SMYD1: variants seen among roughly 807,000 people sequenced by gnomAD.
SMYD1 encodes the protein SET and MYND domain containing 1.
In SMYD1, 49 loss-of-function variants were observed where a neutral mutation model predicts 54.0. The observed-to-expected ratio is 0.91, with a 90% CI of 0.72 to 1.15. The LOEUF (loss-of-function observed/expected upper bound fraction) is 1.15, where lower values mean the gene tolerates loss of function less well. Ranked by LOEUF, SMYD1 falls within the 50% of genes most tolerant of loss-of-function variation. The pLI, the probability that SMYD1 is intolerant of heterozygous loss-of-function variation, is 0.00. For missense variants in SMYD1, 653 were observed against 639.6 expected (o/e 1.02, Z -0.23); for synonymous variants, 269 against 234.2 (o/e 1.15, Z -1.36).
In SMYD1 at chr2:88,093,538, G is replaced by A. The variant is rs1248997452; in HGVS notation, c.681G>A (p.Met227Ile). ...TCAGTCATGAGGCAGTGAAATCCATGTTTCATACCCAGATGAGGTGGGTCA... is the reference window on the plus strand; with the variant it reads ...TCAGTCATGAGGCAGTGAAATCCATATTTCATACCCAGATGAGGTGGGTCA... ...NNGNHEAVKS[M>I]FHTQMRIELR... The change falls in exon 5 of 10, where the codon ATG becomes ATA. Residue 227 changes from methionine to isoleucine, a missense_variant. Met to Ile is a conservative substitution (Grantham distance 10, BLOSUM62 1). Coordinates refer to ENST00000419482, the MANE Select transcript of SMYD1 (RefSeq NM_198274.4). The A allele has an allele frequency of 6.2e-7, 1 of 1,614,102 alleles. No homozygotes were observed.
chr2:88,070,099 GA>G (rs910764865), intron 1 of SMYD1, among the ~76,000 whole-genome samples: 23 of 143,140 alleles, frequency 1.6e-4, no homozygotes, highest in African/African-American at 2.6e-4. Context: ...TAAAATGATT[GA>G]AAAAAAATCT....
intron 6 of SMYD1, among the ~76,000 whole-genome samples, chr2:88,097,540 G>T (rs537016988): frequency 6.6e-6 from 1 of 152,218 alleles, no homozygotes; most frequent in Non-Finnish European, 1.5e-5. Context: ...GCTGTGCTCA[G>T]GGGGAGGATG....
At chr2:88,100,618 A>T (rs1306278275) in intron 6 of SMYD1, among the ~76,000 whole-genome samples, 1 of 152,204 alleles carries the variant, frequency 6.6e-6, no homozygotes, top group Admixed American at 6.5e-5. Flanking sequence ...CTGCACAACC[A>T]GGCAAGACAT....
In SMYD1 at chr2:88,104,230, T is replaced by C. The variant is rs184854530; in HGVS notation, c.981+1080T>C. Among the ~76,000 whole-genome samples the C allele has an allele frequency of 2.3e-4, 35 of 152,258 alleles. No individual in the cohort carries two copies. In the East Asian group the frequency reaches 6.8e-3, roughly 30 times the overall value. On this transcript the variant is annotated intron_variant, in intron 7 of 9. Transcript: ENST00000419482. ...ATCTGCCCGCCTTGGCCTCCCAAAG[T>C]GCTGGGATTACAGGCGTGAGCCACT...
chr2:88,102,946 G>A (rs1375371336), intron 6 of SMYD1, 112 bp from the exon 7 acceptor site: 6 of 755,028 alleles, frequency 7.9e-6, no homozygotes, highest in African/African-American at 5.1e-5. Context: ...CATTCAGAAT[G>A]AGGAAGACAT....
chr2:88,110,384 C>A lies in SMYD1; in HGVS notation c.1345C>A (p.Arg449Ser). ...GCGGGTGCAGACGGAGATGGAGCTACGCATGTTCCGCCAGAACGAATTCAT... is the reference window on the plus strand; with the variant it reads ...GCGGGTGCAGACGGAGATGGAGCTAAGCATGTTCCGCCAGAACGAATTCAT... ...AMRVQTEMEL[R>S]MFRQNEFMYY... The change falls in exon 10 of 10, where the codon CGC becomes AGC. Residue 449 changes from arginine (R) to serine (S), a missense_variant. By Grantham distance (110) the Arg-to-Ser change is moderately radical. Coordinates refer to ENST00000419482, the MANE Select transcript of SMYD1 (RefSeq NM_198274.4). 1 of 1,612,836 alleles carries A rather than the reference C, an allele frequency of 6.2e-7. No homozygotes were observed. Among genetic ancestry groups the A allele is most frequent in the Non-Finnish European group, 8.5e-7 (1 of 1,179,482 alleles).
At chr2:88,082,548 G>C (rs1024951662) in intron 1 of SMYD1, 8 of 154,366 alleles carry the variant, frequency 5.2e-5, no homozygotes, top group South Asian at 2.0e-4. Context: ...AGGCTCAAGG[G>C]TCAGGCCTGG....
chr2:88,084,617 C>A, intron 2 of SMYD1, 125 bp downstream of exon 2: 1 of 868,398 alleles, frequency 1.2e-6, no homozygotes, highest in Non-Finnish European at 1.7e-6. Flanking sequence ...GCCTCAAAGA[C>A]TGGATATGGT....
At chr2:88,085,187 GA>G (rs1309288424) in intron 2 of SMYD1, among the ~76,000 whole-genome samples, 1 of 152,098 alleles carries the variant, frequency 6.6e-6, no homozygotes, top group Non-Finnish European at 1.5e-5. Context: ...GGCTAGAGCT[GA>G]GTAGTATCTG....
intron 4 of SMYD1, among the ~76,000 whole-genome samples, chr2:88,093,090 A>T (rs1356638249): frequency 6.6e-6 from 1 of 152,248 alleles, no homozygotes; most frequent in Non-Finnish European, 1.5e-5. Flanking sequence ...TGACCTAACC[A>T]GACTCCATGT....
Position 88,108,383 on chromosome 2 carries a change from C to A in SMYD1, c.1158C>A (p.His386Gln). 6.3e-7 allele frequency: 1 copy of A among 1,595,320 alleles called. No homozygotes were observed. The highest frequency in any genetic ancestry group is 8.5e-7 in the Non-Finnish European group (1 of 1,172,242). The part of the protein sequence containing the change: ...RMVDGYMKLY[H>Q]PNNAQLGMAV... ...TATGCTCCCACAGGAAGCTCTACCA[C>A]CCCAACAATGCCCAACTGGGCATGG... is the stretch of plus-strand genomic sequence containing the variant. Residue 386 changes from histidine to glutamine, a missense_variant, in exon 9 of 10, where the codon CAC becomes CAA. By Grantham distance (24) the His-to-Gln change is conservative (BLOSUM62 0). Transcript: ENST00000419482.
chr2:88,103,136 G>C lies in SMYD1; in HGVS notation c.967G>C (p.Gly323Arg). The change falls in exon 7 of 10, where the codon GGT (glycine) becomes CGT (arginine). Residue 323 changes from glycine (G) to arginine (R), a missense_variant. By Grantham distance (125) the Gly-to-Arg change is moderately radical (BLOSUM62 -2). Transcript: ENST00000419482. Reference sequence around the variant, plus strand: ...AAAGATAGACAAGGCTCGTTCCGAGGGTTTGTATCATGAGGTAAGAATTCA... The same window carrying C: ...AAAGATAGACAAGGCTCGTTCCGAGCGTTTGTATCATGAGGTAAGAATTCA... Reference protein sequence around the residue: ...LEKIDKARSEGLYHEVVKLCR... With the variant: ...LEKIDKARSERLYHEVVKLCR... The C allele has an allele frequency of 6.2e-7, 1 of 1,613,792 alleles. No homozygotes were observed. Among genetic ancestry groups the C allele is most frequent in the Admixed American group, 1.7e-5 (1 of 59,998 alleles).
chr2:88,091,883 A>C (rs1016025810), intron 4 of SMYD1, among the ~76,000 whole-genome samples: 1 of 152,080 alleles, frequency 6.6e-6, no homozygotes, highest in Non-Finnish European at 1.5e-5. Context: ...ACCAAACCAA[A>C]CCAAACAAAA....
chr2:88,110,038 T>C (rs765894523), intron 9 of SMYD1, among the ~76,000 whole-genome samples: 17 of 152,138 alleles, frequency 1.1e-4, no homozygotes, highest in Non-Finnish European at 2.1e-4. Context: ...CCCACACTAG[T>C]ATCTGCAGGG....
intron 1 of SMYD1, among the ~76,000 whole-genome samples, chr2:88,070,345 AT>A (rs1247239905): frequency 6.6e-6 from 1 of 152,220 alleles, no homozygotes; most frequent in Non-Finnish European, 1.5e-5. Flanking sequence ...GTTTTAATCC[AT>A]CTTACTGCAA....
rs34574339 is a variant in SMYD1 at position 88,105,941 on chromosome 2, A to AATAT, written c.982-373_982-370dup. Among the ~76,000 whole-genome samples, 4 of 151,240 alleles carry AATAT rather than the reference A, an allele frequency of 2.6e-5. No individual in the cohort carries two copies. In the South Asian group the frequency reaches 6.3e-4, roughly 24 times the overall value. On this transcript the variant is annotated intron_variant, in intron 7 of 9. Coordinates refer to ENST00000419482, the MANE Select transcript of SMYD1 (RefSeq NM_198274.4). Reference sequence around the variant, plus strand: ...CAATGGAGTGAGACTCTTGTCTCGAAATATATATATATATTTGACCTGCAG... The same window carrying AATAT: ...CAATGGAGTGAGACTCTTGTCTCGAAATATATATATATATATATTTGACCTGCAG...
rs79182285 is a variant in SMYD1 at position 88,090,886 on chromosome 2, G to T, written c.529-126G>T. 9.3e-3 allele frequency: 9,926 copies of T among 1,066,890 alleles called. 98 individuals carry two copies. The highest frequency in any genetic ancestry group is 0.048 in the East Asian group (1,977 of 41,268). The allele number at this position is 1,066,890 out of a possible 1,614,324, so 66.1% of individuals were successfully genotyped here. ...GAGAACAGGAGACTAATTGTTCTGT[G>T]TCCAGACTCCCTAAGCATCTCCAGG... is the stretch of plus-strand genomic sequence containing the variant. On this transcript the variant is annotated intron_variant, in intron 3 of 9. Transcript: ENST00000419482.
chr2:88,088,189 T>A, intron 3 of SMYD1, 114 bp downstream of exon 3: 1 of 1,190,880 alleles, frequency 8.4e-7, no homozygotes, highest in Non-Finnish European at 1.2e-6. Flanking sequence ...AGAAGCCCTG[T>A]CTGCCCTGGA....
chr2:88,104,072 T>G (rs998397895), intron 7 of SMYD1, among the ~76,000 whole-genome samples: 15 of 151,590 alleles, frequency 9.9e-5, no homozygotes, highest in Admixed American at 2.0e-4. Context: ...GTTCACGCCA[T>G]TCTCCTGCCT....
Sources: allele counts gnomAD v4.1 joint callset (sites outside exome capture counted in the v4.1 genomes callset), GRCh38; gene constraint gnomAD v4.1.1; transcripts MANE v1.5; gene names NCBI Gene and HGNC (gene_info 2026-07-23, HGNC 2026-07-21).